ARHGAP24: variants seen among roughly 807,000 people sequenced by gnomAD.
ARHGAP24 encodes Rho GTPase activating protein 24, also known as rho GTPase-activating protein 24.
A neutral mutation model predicts 76.4 loss-of-function variants in ARHGAP24; 50 were observed. That is an observed-to-expected ratio of 0.65 (90% confidence interval 0.52 to 0.83). The LOEUF is 0.83. ARHGAP24 is among the 40% of genes least tolerant of loss of function. The pLI, the probability that ARHGAP24 is intolerant of heterozygous loss-of-function variation, is 0.00. For missense variants in ARHGAP24, 930 were observed against 914.2 expected, an observed-to-expected ratio of 1.02 and a Z score of -0.22; for synonymous variants, 345 against 323.3, an observed-to-expected ratio of 1.07 and a Z score of -0.72.
chr4:85,789,024 T>C (rs1727991348), intron 3 of ARHGAP24, among the ~76,000 whole-genome samples: 1 of 152,074 alleles, frequency 6.6e-6, no homozygotes, highest in African/African-American at 2.4e-5. Flanking sequence ...TGTATGCTAA[T>C]GAGATGACTT....
chr4:85,665,470 T>C (rs1027716359), intron 2 of ARHGAP24, among the ~76,000 whole-genome samples: 1 of 152,202 alleles, frequency 6.6e-6, no homozygotes, highest in African/African-American at 2.4e-5. Flanking sequence ...CCTTATCCAA[T>C]TTGCCAGTCT....
chr4:85,808,859 C>A (rs1728898379), intron 3 of ARHGAP24, among the ~76,000 whole-genome samples: 1 of 151,816 alleles, frequency 6.6e-6, no homozygotes, highest in Admixed American at 6.6e-5. Context: ...AAAAAGTTTT[C>A]TTTGATGAGA....
chr4:85,829,293 A>T (rs920894835), intron 3 of ARHGAP24, among the ~76,000 whole-genome samples: 1 of 152,230 alleles, frequency 6.6e-6, no homozygotes, highest in Non-Finnish European at 1.5e-5. Context: ...AAAGGCAGTG[A>T]ACATTAAAAT....
intron 2 of ARHGAP24, among the ~76,000 whole-genome samples, chr4:85,703,285 ACTG>A (rs1055914599): frequency 7.9e-5 from 12 of 152,114 alleles, no homozygotes; most frequent in Non-Finnish European, 1.3e-4. Flanking sequence ...GAAAGGCACT[ACTG>A]TTTTCTCTGC....
intron 2 of ARHGAP24, among the ~76,000 whole-genome samples, chr4:85,601,051 TTG>T (rs1185073581): frequency 2.0e-5 from 3 of 152,230 alleles, no homozygotes; most frequent in African/African-American, 7.2e-5. Flanking sequence ...TTTTAATGAC[TTG>T]TTACATATTT....
intron 2 of ARHGAP24, among the ~76,000 whole-genome samples, chr4:85,640,973 T>C (rs1721497696): frequency 6.6e-6 from 1 of 151,946 alleles, no homozygotes; most frequent in African/African-American, 2.4e-5. Context: ...AAATCCAAAC[T>C]CAGAGAAATT....
intron 2 of ARHGAP24, among the ~76,000 whole-genome samples, chr4:85,705,664 T>C (rs1211143966): frequency 2.0e-5 from 3 of 152,208 alleles, no homozygotes; most frequent in Non-Finnish European, 4.4e-5. Context: ...GTTATCTGTA[T>C]TTTATAGATG....
chr4:85,852,660 G>A (rs755880389), intron 3 of ARHGAP24, among the ~76,000 whole-genome samples: 16 of 152,170 alleles, frequency 1.1e-4, no homozygotes, highest in Non-Finnish European at 1.8e-4. Flanking sequence ...TTTTGTTGAT[G>A]TTGATGCTAT....
intron 3 of ARHGAP24, among the ~76,000 whole-genome samples, chr4:85,757,618 A>T (rs1726561659): frequency 6.6e-6 from 1 of 152,166 alleles, no homozygotes; most frequent in African/African-American, 2.4e-5. Flanking sequence ...GCCTATCATT[A>T]ATGGACATTT....
chr4:85,922,112 C>G (rs1006336299), intron 3 of ARHGAP24, among the ~76,000 whole-genome samples: 1 of 152,128 alleles, frequency 6.6e-6, no homozygotes, highest in Non-Finnish European at 1.5e-5. Flanking sequence ...CATATGGAAA[C>G]CTATTTGATA....
At chr4:85,882,767 G>A (rs75476451) in intron 3 of ARHGAP24, among the ~76,000 whole-genome samples, 1 of 152,158 alleles carries the variant, frequency 6.6e-6, no homozygotes, top group African/African-American at 2.4e-5. Flanking sequence ...GACAATGCTG[G>A]TGTCAATGTA....
chr4:85,519,723 G>A (rs372099556), intron 1 of ARHGAP24, among the ~76,000 whole-genome samples: 17 of 152,226 alleles, frequency 1.1e-4, no homozygotes, highest in African/African-American at 3.1e-4. Context: ...AATGAAACTC[G>A]TGTCAGCTTG....
intron 1 of ARHGAP24, among the ~76,000 whole-genome samples, chr4:85,502,882 GAT>G (rs1283431853): frequency 6.6e-6 from 1 of 152,150 alleles, no homozygotes; most frequent in East Asian, 1.9e-4. Flanking sequence ...ATTATTTTGA[GAT>G]ATGTTCCATC....
intron 1 of ARHGAP24, among the ~76,000 whole-genome samples, chr4:85,525,210 G>T (rs1034413249): frequency 6.8e-6 from 1 of 146,954 alleles, no homozygotes; most frequent in East Asian, 2.0e-4. Flanking sequence ...CTGTTTAGAT[G>T]TGTTTTTGCT....
intron 2 of ARHGAP24, among the ~76,000 whole-genome samples, chr4:85,628,961 G>T (rs1285874651): frequency 2.0e-5 from 3 of 152,150 alleles, no homozygotes; most frequent in Non-Finnish European, 4.4e-5. Flanking sequence ...TTTGACTGGA[G>T]AATTTAATTC....
intron 3 of ARHGAP24, among the ~76,000 whole-genome samples, chr4:85,897,862 G>T (rs368693938): frequency 2.0e-5 from 3 of 151,928 alleles, no homozygotes; most frequent in Admixed American, 1.3e-4. Flanking sequence ...AGCAAGCAAG[G>T]GGGGAGATAA....
intron 1 of ARHGAP24, among the ~76,000 whole-genome samples, chr4:85,565,645 T>C (rs1726811345): frequency 6.6e-6 from 1 of 152,186 alleles, no homozygotes; most frequent in South Asian, 2.1e-4. Flanking sequence ...ATTGCCTGTG[T>C]TATTTAAGTT....
At chr4:85,747,198 ATCTCC>A (rs978713194) in intron 3 of ARHGAP24, among the ~76,000 whole-genome samples, 11 of 152,302 alleles carry the variant, frequency 7.2e-5, no homozygotes, top group Non-Finnish European at 1.3e-4. Flanking sequence ...TGCTTTTTAA[ATCTCC>A]TATCATCAGT....
At position 85,739,614 on chromosome 4, in the gene ARHGAP24, C is replaced by CTTTT. The variant is rs1185155863; in HGVS notation, c.268+17669_268+17672dup. On this transcript the variant is annotated intron_variant, in intron 3 of 9. Coordinates refer to ENST00000395184, the MANE Select transcript of ARHGAP24 (RefSeq NM_001025616.3). ...ATATCGTGAAAACTCCACGTTCAAT[C>CTTTT]TTTTTTTTTTTTTTTTTTTTTTTTT... Among the ~76,000 whole-genome samples, 28 of 7,478 alleles carry CTTTT rather than the reference C, an allele frequency of 3.7e-3. 9 individuals are homozygous for CTTTT. Among genetic ancestry groups the CTTTT allele is most frequent in the African/African-American group, 4.0e-3 (28 of 7,062 alleles). The allele number at this position is 7,478 out of a possible 152,430, so 4.9% of individuals were successfully genotyped here.
Sources: allele counts gnomAD v4.1 joint callset (sites outside exome capture counted in the v4.1 genomes callset), GRCh38; gene constraint gnomAD v4.1.1; transcripts MANE v1.5; gene names NCBI Gene and HGNC (gene_info 2026-07-23, HGNC 2026-07-21).